DCT: variants seen among roughly 807,000 people sequenced by gnomAD.
The protein encoded by DCT is L-dopachrome tautomerase.
Under a neutral mutation model 53.0 loss-of-function variants are expected in DCT, and 47 were observed. The observed-to-expected ratio is 0.89, with a 90% CI of 0.70 to 1.13. The LOEUF (loss-of-function observed/expected upper bound fraction) is 1.13, where lower values mean the gene tolerates loss of function less well. Ranked by LOEUF, DCT falls within the 50% of genes most tolerant of loss-of-function variation. The pLI, the probability that DCT is intolerant of heterozygous loss-of-function variation, is 0.00. For synonymous variants in DCT, 244 were observed against 237.0 expected (o/e 1.03, Z -0.27); for missense variants, 669 against 637.4 (o/e 1.05, Z -0.53).
chr13:94,514,090 A>C, the DCT span, among the ~76,000 whole-genome samples: 2 of 151,926 alleles, frequency 1.3e-5, no homozygotes, highest in African/African-American at 4.8e-5. Flanking sequence ...CCCTGAGACT[A>C]GGATCATGGG....
chr13:94,479,106 A>G lies in DCT; in HGVS notation c.150T>C (p.Asn50=), dbSNP rs1163884609. The G allele has an allele frequency of 7.4e-6, 12 of 1,614,178 alleles. No individual in the cohort carries two copies. Among genetic ancestry groups the G allele is most frequent in the Non-Finnish European group, 1.0e-5 (12 of 1,180,026 alleles). ...CCPRLGAESA[N]VCGSQQGRGQ... is the part of the protein sequence containing the mutation. ...CCCGGCCTTGCTGAGAGCCACAGAC[A>G]TTGGCCGACTCTGCACCCAGGCGTG... Residue 50 remains asparagine, a synonymous_variant, in exon 1 of 8, where the codon AAT becomes AAC. Transcript: ENST00000377028.
At chr13:94,441,584 G>C (rs996094510) in intron 7 of DCT, among the ~76,000 whole-genome samples, 2 of 152,292 alleles carry the variant, frequency 1.3e-5, no homozygotes, top group East Asian at 1.9e-4. Flanking sequence ...CATAGTCTAA[G>C]TGGAGTCATG....
At chr13:94,462,607 T>C (rs184571930) in intron 4 of DCT, among the ~76,000 whole-genome samples, 80 of 151,732 alleles carry the variant, frequency 5.3e-4, no homozygotes, top group African/African-American at 1.8e-3. Context: ...CATGGTAAAA[T>C]TGTATTACAA....
chr13:94,453,850 C>T (rs911577304), intron 6 of DCT, among the ~76,000 whole-genome samples: 2 of 152,202 alleles, frequency 1.3e-5, no homozygotes, highest in Non-Finnish European at 2.9e-5. Flanking sequence ...TCCATTAAAC[C>T]TCTTTTTCTC....
chr13:94,451,099 G>A (rs1452689656), intron 6 of DCT, among the ~76,000 whole-genome samples: 1 of 152,074 alleles, frequency 6.6e-6, no homozygotes, highest in Non-Finnish European at 1.5e-5. Context: ...CCACCCTGGG[G>A]AACCAGAGAG....
chr13:94,468,617 T>C, intron 2 of DCT, 129 bp downstream of exon 2: 1 of 841,500 alleles, frequency 1.2e-6, no homozygotes, highest in Non-Finnish European at 1.9e-6. Flanking sequence ...ATTCTACGAC[T>C]TTCATAAACC....
the DCT span, among the ~76,000 whole-genome samples, chr13:94,488,802 T>C: frequency 6.2e-5 from 9 of 146,126 alleles, 1 homozygote; most frequent in South Asian, 1.4e-3. Context: ...CACACACATA[T>C]ACACATACAT....
the DCT span, among the ~76,000 whole-genome samples, chr13:94,499,330 C>G: frequency 6.6e-6 from 1 of 152,112 alleles, no homozygotes; most frequent in African/African-American, 2.4e-5. Context: ...CCAGAAGGAA[C>G]CAATTCCAGA....
chr13:94,548,608 C>T, the DCT span, among the ~76,000 whole-genome samples: 16 of 152,026 alleles, frequency 1.1e-4, no homozygotes, highest in African/African-American at 2.4e-5. Context: ...ACATCAGGTG[C>T]CTGGGCCTCC....
chr13:94,536,521 T>A, the DCT span, among the ~76,000 whole-genome samples: 879 of 152,274 alleles, frequency 5.8e-3, 13 homozygotes, highest in African/African-American at 0.02. Flanking sequence ...CCCATGGTCA[T>A]GATTTAATAT....
chr13:94,540,219 T>A, the DCT span, among the ~76,000 whole-genome samples: 1 of 152,074 alleles, frequency 6.6e-6, no homozygotes, highest in African/African-American at 2.4e-5. Flanking sequence ...GAAGATAGGA[T>A]GAGAAGGAAG....
the DCT span, among the ~76,000 whole-genome samples, chr13:94,496,123 T>C: frequency 6.6e-6 from 1 of 152,212 alleles, no homozygotes; most frequent in Admixed American, 6.5e-5. Flanking sequence ...TTATAAAGTG[T>C]GATCCAGCTT....
At chr13:94,495,307 G>A in the DCT span, among the ~76,000 whole-genome samples, 1 of 152,074 alleles carries the variant, frequency 6.6e-6, no homozygotes, top group African/African-American at 2.4e-5. Context: ...ATGATGCCTG[G>A]GCTGGTTTCG....
At chr13:94,472,139 T>G (rs1884683713) in intron 1 of DCT, among the ~76,000 whole-genome samples, 1 of 152,308 alleles carries the variant, frequency 6.6e-6, no homozygotes, top group East Asian at 1.9e-4. Context: ...ATTCATAACT[T>G]ATGCCATGAA....
the DCT span, among the ~76,000 whole-genome samples, chr13:94,500,938 C>T: frequency 6.6e-6 from 1 of 152,204 alleles, no homozygotes; most frequent in Non-Finnish European, 1.5e-5. Context: ...GACTTTTCTA[C>T]CACTGCCATC....
chr13:94,486,600 TG>T, the DCT span, among the ~76,000 whole-genome samples: 34 of 152,230 alleles, frequency 2.2e-4, no homozygotes, highest in Admixed American at 1.4e-3. Flanking sequence ...TGTCATTTTA[TG>T]GGGATCCAGG....
the DCT span, among the ~76,000 whole-genome samples, chr13:94,508,419 C>T: frequency 6.6e-6 from 1 of 152,118 alleles, no homozygotes; most frequent in Non-Finnish European, 1.5e-5. Flanking sequence ...CAATTCCCTT[C>T]TATTTATGTC....
the DCT span, among the ~76,000 whole-genome samples, chr13:94,488,790 T>TAC: frequency 6.7e-6 from 1 of 149,878 alleles, no homozygotes; most frequent in Non-Finnish European, 1.5e-5. Flanking sequence ...TACATACATA[T>TAC]ACACACACAT....
In DCT at chr13:94,468,794, C is replaced by A. The variant is rs373904310; in HGVS notation, c.547G>T (p.Asp183Tyr). 41 of 1,614,072 alleles carry A rather than the reference C, an allele frequency of 2.5e-5. No homozygotes were observed. The highest frequency in any genetic ancestry group is 3.5e-5 in the Non-Finnish European group (41 of 1,180,038). ...TAATAATGGAGCCACACAAAAAAATCATAAACACTGCAGTTGGCAAACTGC... is the reference window on the plus strand; with the variant it reads ...TAATAATGGAGCCACACAAAAAAATAATAAACACTGCAGTTGGCAAACTGC... ...QPQFANCSVYDFFVWLHYYSV... is the reference protein window; with the variant it reads ...QPQFANCSVYYFFVWLHYYSV... The change falls in exon 2 of 8, where the codon GAT (aspartate) becomes TAT (tyrosine). Residue 183 changes from aspartate (D) to tyrosine (Y), a missense_variant. Transcript: ENST00000377028.
Sources: gnomAD v4.1 joint callset for allele counts (sites outside exome capture counted in the v4.1 genomes callset) on GRCh38, gnomAD v4.1.1 for gene constraint, MANE v1.5 for transcripts, NCBI Gene and HGNC (gene_info 2026-07-23, HGNC 2026-07-21) for gene names.